GPHN: variants seen among roughly 807,000 people sequenced by gnomAD.
GPHN encodes gephyrin.
Under a neutral mutation model 95.5 loss-of-function variants are expected in GPHN, and 17 were observed. That is an observed-to-expected ratio of 0.18 (90% confidence interval 0.12 to 0.27). The LOEUF is 0.27. Among genes scored for constraint, GPHN ranks in the 10% least tolerant of loss-of-function variants. The probability of loss-of-function intolerance (pLI) is 1.00; values close to 1 mark genes in which losing one functional copy is unlikely to be tolerated. For missense variants in GPHN, 660 were observed against 978.1 expected, an observed-to-expected ratio of 0.67 and a Z score of 4.34; for synonymous variants, 320 against 322.5, an observed-to-expected ratio of 0.99 and a Z score of 0.08.
chr14:67,365,751 C>T, the GPHN span, among the ~76,000 whole-genome samples: 1 of 152,230 alleles, frequency 6.6e-6, no homozygotes, highest in Non-Finnish European at 1.5e-5. Flanking sequence ...CGAAAGGCTT[C>T]ATATCAGTCA....
At chr14:66,684,912 C>T (rs1022059833) in intron 2 of GPHN, among the ~76,000 whole-genome samples, 2 of 152,142 alleles carry the variant, frequency 1.3e-5, no homozygotes, top group African/African-American at 4.8e-5. Context: ...CACCCCACCC[C>T]ACAACAGGCC....
chr14:67,313,704 G>T, the GPHN span, among the ~76,000 whole-genome samples: 1 of 152,062 alleles, frequency 6.6e-6, no homozygotes, highest in Non-Finnish European at 1.5e-5. Context: ...ACCATGTAAA[G>T]CACTTTGCCT....
intron 4 of GPHN, among the ~76,000 whole-genome samples, chr14:66,851,167 C>T (rs982743219): frequency 1.2e-4 from 18 of 150,546 alleles, no homozygotes; most frequent in Non-Finnish European, 3.0e-5. Context: ...AAAAAAAAAA[C>T]CCACAAATAG....
chr14:67,193,672 G>A, the GPHN span, among the ~76,000 whole-genome samples: 3 of 148,138 alleles, frequency 2.0e-5, no homozygotes, highest in African/African-American at 7.4e-5. Context: ...GCCAAGCACA[G>A]TGGCTCATGC....
intron 11 of GPHN, among the ~76,000 whole-genome samples, chr14:67,083,229 G>GCC (rs371658241): frequency 1.1e-3 from 165 of 147,982 alleles, no homozygotes; most frequent in African/African-American, 3.8e-3. Flanking sequence ...TTGGATCTAT[G>GCC]CCCCCCCCCC....
chr14:67,672,472 G>A, the GPHN span, among the ~76,000 whole-genome samples: 5 of 124,898 alleles, frequency 4.0e-5, no homozygotes, highest in South Asian at 1.0e-3. Context: ...TTGATACAGA[G>A]TCTTGATCTG....
At chr14:67,698,206 G>A in the GPHN span, among the ~76,000 whole-genome samples, 1 of 152,198 alleles carries the variant, frequency 6.6e-6, no homozygotes, top group African/African-American at 2.4e-5. Context: ...CCATACTTGT[G>A]TGTATTTGCA....
At chr14:66,691,231 C>T (rs1316714108) in intron 2 of GPHN, among the ~76,000 whole-genome samples, 4 of 151,802 alleles carry the variant, frequency 2.6e-5, no homozygotes, top group African/African-American at 9.7e-5. Context: ...TGTCACCAGG[C>T]TGAAGTGCAG....
chr14:66,601,189 A>G (rs1364817375), intron 1 of GPHN, among the ~76,000 whole-genome samples: 3 of 152,072 alleles, frequency 2.0e-5, no homozygotes, highest in African/African-American at 4.8e-5. Flanking sequence ...AGCTATTTCT[A>G]TCTAAAAGCG....
At chr14:67,109,464 C>T (rs1185146948) in intron 13 of GPHN, among the ~76,000 whole-genome samples, 3 of 152,152 alleles carry the variant, frequency 2.0e-5, no homozygotes, top group African/African-American at 7.2e-5. Flanking sequence ...GGTTCTGTCT[C>T]TTATACCATC....
chr14:67,347,406 T>TA, the GPHN span: 1 of 1,601,618 alleles, frequency 6.2e-7, no homozygotes, highest in Non-Finnish European at 8.6e-7. Flanking sequence ...GTTTCACACT[T>TA]ACTGTCAGTT....
chr14:67,187,887 A>C, the GPHN span, among the ~76,000 whole-genome samples: 2 of 152,054 alleles, frequency 1.3e-5, no homozygotes, highest in Non-Finnish European at 2.9e-5. Context: ...TCACCCCTCT[A>C]TCTTATCACT....
chr14:67,331,928 C>A, the GPHN span, among the ~76,000 whole-genome samples: 2 of 152,012 alleles, frequency 1.3e-5, no homozygotes, highest in Non-Finnish European at 2.9e-5. Flanking sequence ...GTACAACATT[C>A]CAGAATGAGA....
chr14:67,705,445 A>G, the GPHN span, among the ~76,000 whole-genome samples: 1 of 152,238 alleles, frequency 6.6e-6, no homozygotes, highest in Admixed American at 6.5e-5. Flanking sequence ...TTACTCAGAA[A>G]TGCTATGTAA....
intron 1 of GPHN, among the ~76,000 whole-genome samples, chr14:66,578,654 G>GA (rs574302625): frequency 0.42 from 24,852 of 59,298 alleles, 4,991 homozygotes; most frequent in African/African-American, 0.48. Flanking sequence ...GGGATAGAGT[G>GA]AAAAAAAAAA....
the GPHN span, among the ~76,000 whole-genome samples, chr14:67,637,410 CAAAAAAAAAAAAAA>C: frequency 5.8e-5 from 6 of 103,620 alleles, no homozygotes; most frequent in African/African-American, 1.8e-4. Flanking sequence ...GACTCTGTCT[CAAAAAAAAAAAAAA>C]AAAAAAAAAG....
the GPHN span, among the ~76,000 whole-genome samples, chr14:67,557,648 A>T: frequency 5.2e-5 from 8 of 152,382 alleles, no homozygotes; most frequent in South Asian, 1.7e-3. Flanking sequence ...AGGCAGACTG[A>T]TCTGGGTGTG....
chr14:67,077,584 A>G (rs2076545900), intron 11 of GPHN, among the ~76,000 whole-genome samples: 1 of 152,118 alleles, frequency 6.6e-6, no homozygotes, highest in African/African-American at 2.4e-5. Context: ...AATTTTAGAC[A>G]TAGTTCCCTG....
chr14:66,845,859 GTC>G (rs1555422347), intron 4 of GPHN, among the ~76,000 whole-genome samples: 247 of 140,182 alleles, frequency 1.8e-3, no homozygotes, highest in Admixed American at 4.3e-3. Context: ...GTGTGTGTGT[GTC>G]TGTGTGCGTG....
Sources: allele counts gnomAD v4.1 joint callset (sites outside exome capture counted in the v4.1 genomes callset), GRCh38; gene constraint gnomAD v4.1.1; transcripts MANE v1.5; gene names NCBI Gene and HGNC (gene_info 2026-07-23, HGNC 2026-07-21).